Variants in POU6F2 observed in about 807,000 individuals in gnomAD.
The protein encoded by POU6F2 is POU domain, class 6, transcription factor 2.
POU6F2 carries 31 observed loss-of-function variants against 71.3 expected under a neutral mutation model. That is an observed-to-expected ratio of 0.43 (90% CI 0.33 to 0.59). POU6F2 has a LOEUF of 0.59. POU6F2 is among the 20% of genes least tolerant of loss of function. The probability of loss-of-function intolerance (pLI) is 0.04; values close to 1 mark genes in which losing one functional copy is unlikely to be tolerated. For missense variants in POU6F2, 783 were observed against 856.8 expected, an observed-to-expected ratio of 0.91 and a Z score of 1.07; for synonymous variants, 347 against 355.7, an observed-to-expected ratio of 0.98 and a Z score of 0.27.
intron 2 of POU6F2, among the ~76,000 whole-genome samples, chr7:39,107,683 GC>G (rs1289626779): frequency 6.6e-6 from 1 of 151,894 alleles, no homozygotes; most frequent in African/African-American, 2.4e-5. Context: ...ACCACCCCCC[GC>G]CCCCTACAAC....
At chr7:39,084,132 G>A (rs1791187387) in intron 1 of POU6F2, among the ~76,000 whole-genome samples, 1 of 151,998 alleles carries the variant, frequency 6.6e-6, no homozygotes, top group African/African-American at 2.4e-5. Flanking sequence ...CTCTGCACTT[G>A]CTTTTTTATT....
chr7:39,050,993 A>G (rs1485891897), intron 1 of POU6F2, among the ~76,000 whole-genome samples: 2 of 152,144 alleles, frequency 1.3e-5, no homozygotes, highest in Non-Finnish European at 2.9e-5. Context: ...CATTCCACCA[A>G]TTCATTCGCC....
intron 2 of POU6F2, among the ~76,000 whole-genome samples, chr7:39,122,217 C>T (rs867183275): frequency 2.6e-5 from 4 of 152,196 alleles, no homozygotes; most frequent in African/African-American, 7.2e-5. Flanking sequence ...ACCTTTAAGT[C>T]GTGAGCTTAA....
chr7:39,296,229 T>G (rs1784841240), intron 4 of POU6F2, among the ~76,000 whole-genome samples: 1 of 152,226 alleles, frequency 6.6e-6, no homozygotes, highest in Non-Finnish European at 1.5e-5. Context: ...TAGATGCTCA[T>G]TAATTACAGA....
At chr7:39,195,223 A>G (rs1269339873) in intron 2 of POU6F2, among the ~76,000 whole-genome samples, 3 of 152,230 alleles carry the variant, frequency 2.0e-5, no homozygotes, top group African/African-American at 4.8e-5. Flanking sequence ...GTCTGTGATC[A>G]TTTAATCACC....
rs535209330 is a variant in POU6F2, at chr7:39,307,282, TTTA to T, written c.599-32359_599-32357del. ...AGCATGTATAATTTTCGGAACTCTC[TTTA>T]AGAAAAAGAGTACCAAATTAAGAAT... is the stretch of plus-strand genomic sequence containing the variant. On this transcript the variant is annotated intron_variant, in intron 4 of 9. Coordinates refer to ENST00000518318, the MANE Select transcript of POU6F2 (RefSeq NM_001370959.1). Among the ~76,000 whole-genome samples, 16 of 152,330 alleles carry T rather than the reference TTTA, an allele frequency of 1.1e-4. No homozygotes were observed. In the East Asian group the frequency reaches 2.9e-3, roughly 27 times the overall value.
intron 1 of POU6F2, among the ~76,000 whole-genome samples, chr7:39,008,955 A>C (rs368092558): frequency 1.3e-5 from 2 of 152,000 alleles, no homozygotes; most frequent in South Asian, 4.2e-4. Context: ...GTCAGGTAGC[A>C]TGATGCCTCC....
intron 4 of POU6F2, among the ~76,000 whole-genome samples, chr7:39,324,100 T>C (rs894727735): frequency 2.1e-5 from 2 of 93,144 alleles, no homozygotes; most frequent in Non-Finnish European, 4.3e-5. Flanking sequence ...AGAGCAAAAC[T>C]ACATCTCAAA....
At chr7:39,047,756 A>G (rs1790320546) in intron 1 of POU6F2, among the ~76,000 whole-genome samples, 1 of 151,978 alleles carries the variant, frequency 6.6e-6, no homozygotes, top group African/African-American at 2.4e-5. Context: ...TTTAAAAATC[A>G]TGAATGCATG....
chr7:38,997,083 A>G (rs952651965), intron 1 of POU6F2, among the ~76,000 whole-genome samples: 2 of 152,132 alleles, frequency 1.3e-5, no homozygotes, highest in Non-Finnish European at 2.9e-5. Context: ...AGAAGCCCCA[A>G]ATGTAGAGCA....
At chr7:39,180,233 G>A (rs1427951868) in intron 2 of POU6F2, among the ~76,000 whole-genome samples, 1 of 152,152 alleles carries the variant, frequency 6.6e-6, no homozygotes, top group African/African-American at 2.4e-5. Flanking sequence ...AAGCAAACTA[G>A]CATGCTTTCT....
intron 2 of POU6F2, among the ~76,000 whole-genome samples, chr7:39,158,864 T>G (rs1004755976): frequency 6.6e-6 from 1 of 152,110 alleles, no homozygotes; most frequent in Non-Finnish European, 1.5e-5. Flanking sequence ...TCTAGCCAAG[T>G]TGACATCAAA....
intron 5 of POU6F2, among the ~76,000 whole-genome samples, chr7:39,353,105 G>A (rs917302706): frequency 2.0e-5 from 3 of 152,270 alleles, no homozygotes; most frequent in African/African-American, 7.2e-5. Flanking sequence ...CAAGGAGGCA[G>A]GTGGACCTAG....
intron 2 of POU6F2, among the ~76,000 whole-genome samples, chr7:39,174,644 C>G (rs1183828403): frequency 2.0e-5 from 3 of 152,116 alleles, no homozygotes; most frequent in Non-Finnish European, 4.4e-5. Flanking sequence ...TGTCCCCTCT[C>G]TCCTCAGTCT....
rs1786821250 is a variant in POU6F2 at position 39,381,212 on chromosome 7, G to C, written c.973-25388G>C. Reference sequence around the variant, plus strand: ...CCTGAGTAGCTGGGATTACAGGTGTGAGCCATCATGCCCAGCTAATTTTTG... The same window carrying C: ...CCTGAGTAGCTGGGATTACAGGTGTCAGCCATCATGCCCAGCTAATTTTTG... On this transcript the variant is annotated intron_variant, in intron 5 of 9. Coordinates refer to ENST00000518318, the MANE Select transcript of POU6F2 (RefSeq NM_001370959.1). Among the ~76,000 whole-genome samples the C allele has an allele frequency of 2.0e-5, 3 of 152,164 alleles. No individual in the cohort carries two copies. The South Asian group carries it at 6.2e-4, about 32-fold the overall frequency.
chr7:39,451,121 G>A (rs372242913), intron 7 of POU6F2, among the ~76,000 whole-genome samples: 8 of 152,076 alleles, frequency 5.3e-5, no homozygotes, highest in East Asian at 1.9e-4. Context: ...AAATGGTGGG[G>A]CACAGCCACA....
chr7:39,432,992 A>C, intron 6 of POU6F2, 85 bp from the exon 7 acceptor site: 1 of 1,385,518 alleles, frequency 7.2e-7, no homozygotes, highest in Non-Finnish European at 1.0e-6. Context: ...GGAGCATCCT[A>C]GAGAGACCAG....
At chr7:39,017,056 C>T (rs1037317610) in intron 1 of POU6F2, among the ~76,000 whole-genome samples, 4 of 152,136 alleles carry the variant, frequency 2.6e-5, no homozygotes, top group African/African-American at 9.7e-5. Context: ...TAAGGTTTTA[C>T]AACTTCTATT....
At chr7:39,012,204 T>C (rs891051241) in intron 1 of POU6F2, among the ~76,000 whole-genome samples, 84 of 152,278 alleles carry the variant, frequency 5.5e-4, no homozygotes, top group African/African-American at 1.9e-3. Context: ...CCCATATTTC[T>C]TGGAGTCTTT....
Sources: allele counts gnomAD v4.1 joint callset (sites outside exome capture counted in the v4.1 genomes callset), GRCh38; gene constraint gnomAD v4.1.1; transcripts MANE v1.5; gene names NCBI Gene and HGNC (gene_info 2026-07-23, HGNC 2026-07-21).